The following BAIAP2L2 variants were observed in gnomAD, a reference collection of about 807,000 sequenced individuals.
BAIAP2L2 encodes the protein BAR/IMD domain-containing adapter protein 2-like 2.
BAIAP2L2 carries 65 observed loss-of-function variants against 60.4 expected under a neutral mutation model. That is an observed-to-expected ratio of 1.08 (90% confidence interval 0.88 to 1.32). The LOEUF is 1.32. BAIAP2L2 is among the 40% of genes most tolerant of loss of function. The probability of loss-of-function intolerance (pLI) is 0.00; values close to 1 mark genes in which losing one functional copy is unlikely to be tolerated. For missense variants in BAIAP2L2, 836 were observed against 741.2 expected (o/e 1.13, Z -1.48); for synonymous variants, 344 against 301.7 (o/e 1.14, Z -1.45).
At chr22:38,098,014 T>TTC in intron 6 of BAIAP2L2, 49 bp downstream of exon 6, 1 of 791,428 alleles carries the variant, frequency 1.3e-6, no homozygotes, top group Non-Finnish European at 2.0e-6. Flanking sequence ...CGCCCCGAGG[T>TTC]CTGCCCACCC....
intron 7 of BAIAP2L2, among the ~76,000 whole-genome samples, chr22:38,093,652 G>C (rs1272958429): frequency 6.6e-6 from 1 of 152,206 alleles, no homozygotes; most frequent in African/African-American, 2.4e-5. Context: ...AATCAATATT[G>C]CAATCAGATA....
At chr22:38,090,118 T>TTTTTTTTTTTTTTTA (rs1555964442) in intron 7 of BAIAP2L2, 4 of 123,166 alleles carry the variant, frequency 3.2e-5, no homozygotes, top group African/African-American at 1.2e-4. Flanking sequence ...TTTTTTTTTT[T>TTTTTTTTTTTTTTTA]TTTTTTTTTT....
chr22:38,110,411 C>T (rs1326503315), intron 1 of BAIAP2L2, 64 bp downstream of exon 1: 8 of 1,510,594 alleles, frequency 5.3e-6, no homozygotes, highest in East Asian at 2.3e-5. Context: ...TCCTCCAGAG[C>T]GGGCCTGATT....
Position 38,089,689 on chromosome 22 carries a change from A to T in BAIAP2L2, c.613-15T>A, listed in dbSNP as rs1362474554. On this transcript the variant is annotated splice_polypyrimidine_tract_variant and intron_variant, in intron 7 of 13. Transcript: ENST00000381669. ...ATCCCCCGGGCCTGGCCGGGCGGGG[A>T]CACGGGGGTCAGCCAGGTCCGGGCG... 5.0e-5 allele frequency: 61 copies of T among 1,229,030 alleles called. No homozygotes were observed. The highest frequency in any genetic ancestry group is 6.1e-5 in the Non-Finnish European group (60 of 986,292). The allele number at this position is 1,229,030 out of a possible 1,614,324, so 76.1% of individuals were successfully genotyped here.
intron 10 of BAIAP2L2, among the ~76,000 whole-genome samples, chr22:38,087,547 A>G (rs533054512): frequency 1.3e-5 from 2 of 152,170 alleles, no homozygotes; most frequent in South Asian, 4.1e-4. Context: ...TTCTATCCTC[A>G]GGTCCCCAAG....
intron 7 of BAIAP2L2, among the ~76,000 whole-genome samples, chr22:38,095,717 C>T (rs73170747): frequency 2.0e-5 from 3 of 152,044 alleles, no homozygotes; most frequent in Non-Finnish European, 2.9e-5. Context: ...ATTGGCGGAG[C>T]GATGGACTGA....
At chr22:38,087,293 C>G in intron 10 of BAIAP2L2, 29 bp from the exon 11 acceptor site, 1 of 1,583,690 alleles carries the variant, frequency 6.3e-7, no homozygotes, top group Non-Finnish European at 8.6e-7. Context: ...GGACAATGAC[C>G]AAAAGAAGCC....
At chr22:38,096,943 G>A (rs1199287880) in intron 7 of BAIAP2L2, 89 bp downstream of exon 7, 4 of 1,426,926 alleles carry the variant, frequency 2.8e-6, no homozygotes, top group African/African-American at 1.4e-5. Context: ...AGGGAAGAGG[G>A]AAGAAGGGAG....
At chr22:38,092,995 C>T (rs1002175528) in intron 7 of BAIAP2L2, among the ~76,000 whole-genome samples, 1 of 151,948 alleles carries the variant, frequency 6.6e-6, no homozygotes, top group African/African-American at 2.4e-5. Context: ...GGTGAAACCC[C>T]GTCTCTACTA....
At chr22:38,108,743 T>C (rs1413103985) in intron 2 of BAIAP2L2, among the ~76,000 whole-genome samples, 1 of 151,758 alleles carries the variant, frequency 6.6e-6, no homozygotes, top group East Asian at 1.9e-4. Flanking sequence ...CCAGCTGCTG[T>C]GTGAGCCTGG....
intron 4 of BAIAP2L2, among the ~76,000 whole-genome samples, chr22:38,103,546 A>T (rs2086606362): frequency 6.6e-6 from 1 of 152,224 alleles, no homozygotes; most frequent in South Asian, 2.1e-4. Flanking sequence ...GGCAGATAGC[A>T]AGGACTCAGG....
chr22:38,088,931 C>A lies in BAIAP2L2; in HGVS notation c.935G>T (p.Arg312Leu), dbSNP rs750504278. 3.2e-6 allele frequency: 5 copies of A among 1,541,474 alleles called. No homozygotes were observed. The highest frequency in any genetic ancestry group is 1.7e-4 in the Middle Eastern group (1 of 5,878). Residue 312 changes from arginine (R) to leucine (L), a missense_variant, in exon 10 of 14, where the codon CGC (arginine) becomes CTC (leucine). Transcript: ENST00000381669. ...CGGGCGCTCGCCAAAGGAGTTGGAG[C>A]GCGAGCTTTGGGCGCTGCCGCTGTA... ...SLYSGSAQSS[R>L]SNSFGERPGG...
rs2145909302 is a variant in BAIAP2L2, at chr22:38,085,066, GA to G, written c.*233del. ...CCCAGGGAGAGTCCTGGAGCCCCTG[GA>G]GGGGGAGAAATTGTCCTGTCCCCCC... On this transcript the variant is annotated 3_prime_UTR_variant, in exon 14 of 14. Transcript: ENST00000381669. 1 of 511,766 alleles carries G rather than the reference GA, an allele frequency of 2.0e-6. No individual in the cohort carries two copies. Among genetic ancestry groups the G allele is most frequent in the Non-Finnish European group, 3.5e-6 (1 of 281,812 alleles). The allele number at this position is 511,766 out of a possible 1,614,324, so 31.7% of individuals were successfully genotyped here. A position where few individuals can be genotyped will look rare whatever the true frequency, so the allele number is the denominator to read the frequency against.
chr22:38,087,949 C>T (rs997154233), intron 10 of BAIAP2L2, among the ~76,000 whole-genome samples: 6 of 149,174 alleles, frequency 4.0e-5, no homozygotes, highest in African/African-American at 9.9e-5. Context: ...CCTACCCAGA[C>T]GCACATCCCC....
intron 4 of BAIAP2L2, among the ~76,000 whole-genome samples, chr22:38,101,710 C>T (rs762728651): frequency 2.6e-5 from 4 of 151,864 alleles, no homozygotes; most frequent in African/African-American, 9.7e-5. Flanking sequence ...ATAAATTAGC[C>T]GAGCATGGTG....
intron 4 of BAIAP2L2, 93 bp downstream of exon 4, chr22:38,107,759 C>T: frequency 8.0e-7 from 1 of 1,250,292 alleles, no homozygotes; most frequent in Non-Finnish European, 1.2e-6. Flanking sequence ...GTCATCCTCC[C>T]TGGGAAGGGC....
chr22:38,087,303 C>T, intron 10 of BAIAP2L2, 39 bp from the exon 11 acceptor site: 11 of 1,580,434 alleles, frequency 7.0e-6, no homozygotes, highest in Non-Finnish European at 9.4e-6. Context: ...CAAAAGAAGC[C>T]AGGCCTGGGG....
intron 11 of BAIAP2L2, 126 bp from the exon 12 acceptor site, chr22:38,086,575 G>A: frequency 1.4e-6 from 1 of 715,600 alleles, no homozygotes; most frequent in Non-Finnish European, 2.3e-6. Context: ...TGCATGAAAG[G>A]AGACTGTTGA....
intron 6 of BAIAP2L2, 72 bp downstream of exon 6, chr22:38,097,991 C>T (rs1424995664): frequency 1.6e-6 from 2 of 1,273,776 alleles, no homozygotes; most frequent in Non-Finnish European, 2.3e-6. Context: ...TCGGGGTTCC[C>T]AGGGCCCGGT....
Sources: gnomAD v4.1 joint callset for allele counts (sites outside exome capture counted in the v4.1 genomes callset) on GRCh38, gnomAD v4.1.1 for gene constraint, MANE v1.5 for transcripts, NCBI Gene and HGNC (gene_info 2026-07-23, HGNC 2026-07-21) for gene names.